The following LEPROT variants were observed in gnomAD, a reference collection of about 807,000 sequenced individuals.
LEPROT encodes the protein leptin receptor overlapping transcript, also known as leptin receptor gene-related protein.
A neutral mutation model predicts 15.4 loss-of-function variants in LEPROT; 3 were observed. That is an observed-to-expected ratio of 0.19 (90% CI 0.09 to 0.50). The LOEUF (loss-of-function observed/expected upper bound fraction) is 0.50. Among genes scored for constraint, LEPROT ranks in the 20% least tolerant of loss-of-function variants. The probability of loss-of-function intolerance (pLI) is 0.97; values close to 1 mark genes in which losing one functional copy is unlikely to be tolerated. For synonymous variants in LEPROT, 59 were observed against 57.5 expected (o/e 1.03, Z -0.12); for missense variants, 137 against 162.2 (o/e 0.84, Z 0.84).
At chr1:65,429,121 G>C (rs555295319) in intron 2 of LEPROT, among the ~76,000 whole-genome samples, 3 of 152,322 alleles carry the variant, frequency 2.0e-5, no homozygotes, top group African/African-American at 7.2e-5. Context: ...AGTTCAAAGA[G>C]GGTGGTATGT....
Position 65,432,329 on chromosome 1 carries a change from G to A in LEPROT, c.*410G>A. On this transcript the variant is annotated 3_prime_UTR_variant, in exon 4 of 4. Transcript: ENST00000371065. The stretch of plus-strand genomic sequence containing the variant: ...GATCCCTCTTTGTGTTGTAGTCCAT[G>A]CTATTAAAAGTGTGGCCCACAGACC... The A allele has an allele frequency of 1.0e-6, 1 of 987,554 alleles. No individual in the cohort carries two copies. Among genetic ancestry groups the A allele is most frequent in the Non-Finnish European group, 1.2e-6 (1 of 831,382 alleles). The allele number at this position is 987,554 out of a possible 1,614,324, so 61.2% of individuals were successfully genotyped here. A position where few individuals can be genotyped will look rare whatever the true frequency, so the allele number is the denominator to read the frequency against.
intron 2 of LEPROT, among the ~76,000 whole-genome samples, chr1:65,428,628 T>C (rs1323550501): frequency 1.3e-5 from 2 of 152,176 alleles, no homozygotes; most frequent in Admixed American, 1.3e-4. Context: ...TGTGGCTTCA[T>C]CCCAACTCCT....
At chr1:65,421,889 A>G (rs1040975598) in intron 1 of LEPROT, among the ~76,000 whole-genome samples, 6 of 152,246 alleles carry the variant, frequency 3.9e-5, no homozygotes, top group African/African-American at 1.4e-4. Flanking sequence ...TCTGAAATGG[A>G]AACGGACTAA....
chr1:65,421,423 G>C, intron 1 of LEPROT: 1 of 1,536,098 alleles, frequency 6.5e-7, no homozygotes, highest in Non-Finnish European at 8.7e-7. Flanking sequence ...AGCAATGCGA[G>C]ACGGAAAAGG....
rs1445465129 is a variant in LEPROT, at chr1:65,434,893, A to C, written c.*2974A>C. On this transcript the variant is annotated 3_prime_UTR_variant, in exon 4 of 4. Transcript: ENST00000371065. ...TGATGTCATGTGGTGCTGAGAAGAA[A>C]GCAGATCACACTTCATCACAGAAAG... 1 of 985,494 alleles carries C rather than the reference A, an allele frequency of 1.0e-6. No individual in the cohort carries two copies. Among genetic ancestry groups the C allele is most frequent in the African/African-American group, 1.7e-5 (1 of 57,338 alleles). The allele number at this position is 985,494 out of a possible 1,614,324, so 61.0% of individuals were successfully genotyped here. A position where few individuals can be genotyped will look rare whatever the true frequency, so the allele number is the denominator to read the frequency against.
In LEPROT at chr1:65,435,531, C is replaced by A; in HGVS notation, c.*3612C>A. On this transcript the variant is annotated 3_prime_UTR_variant, in exon 4 of 4. Transcript: ENST00000371065. ...TACAGGCTCCCGCCACCACGCCTGG[C>A]TAATTTTTTTGTATTTTTAGTAAAG... is the stretch of plus-strand genomic sequence containing the variant. 1 of 407,008 alleles carries A rather than the reference C, an allele frequency of 2.5e-6. No homozygotes were observed. Among genetic ancestry groups the A allele is most frequent in the Non-Finnish European group, 3.3e-6 (1 of 301,306 alleles). The allele number at this position is 407,008 out of a possible 1,614,324, so 25.2% of individuals were successfully genotyped here. A position where few individuals can be genotyped will look rare whatever the true frequency, so the allele number is the denominator to read the frequency against.
intron 1 of LEPROT, among the ~76,000 whole-genome samples, chr1:65,422,998 C>G (rs568745313): frequency 6.6e-6 from 1 of 152,264 alleles, no homozygotes; most frequent in South Asian, 2.1e-4. Context: ...TTTAAGAAGT[C>G]TGGGAGATTG....
rs915418942 is a variant in LEPROT, at chr1:65,432,030, C to A, written c.*111C>A. The A allele has an allele frequency of 1.4e-6, 2 of 1,435,112 alleles. No homozygotes were observed. Among genetic ancestry groups the A allele is most frequent in the East Asian group, 2.5e-5 (1 of 40,314 alleles). 88.9% of individuals were successfully genotyped at this position (1,435,112 alleles called of 1,614,324 possible). ...TTTAATATGCTGGGTTTTTTAATACCTTTATATATCATGTTCACTTTAAGA... is the reference window on the plus strand; with the variant it reads ...TTTAATATGCTGGGTTTTTTAATACATTTATATATCATGTTCACTTTAAGA... On this transcript the variant is annotated 3_prime_UTR_variant, in exon 4 of 4. Coordinates refer to ENST00000371065, the MANE Select transcript of LEPROT (RefSeq NM_017526.5).
At position 65,429,904 on chromosome 1, in the gene LEPROT, C is replaced by T; in HGVS notation, c.135C>T (p.Ser45=). ...TCGTCCTGATTTTCCACGCCATCTC[C>T]CCCATCCCCCATTTCATTGCCAAAA... ...PLFVLIFHAI[S]PIPHFIAKRV... Residue 45 remains serine (S), a synonymous_variant, in exon 3 of 4, where the codon TCC becomes TCT. Transcript: ENST00000371065. The T allele has an allele frequency of 6.5e-7, 1 of 1,537,764 alleles. No individual in the cohort carries two copies. Among genetic ancestry groups the T allele is most frequent in the South Asian group, 1.2e-5 (1 of 81,896 alleles).
chr1:65,426,437 G>T (rs1646371669), intron 2 of LEPROT, among the ~76,000 whole-genome samples: 1 of 152,070 alleles, frequency 6.6e-6, no homozygotes, highest in African/African-American at 2.4e-5. Context: ...AATGGGTTTG[G>T]AGGAGGGGGT....
In LEPROT at chr1:65,431,785, T is replaced by C. The variant is rs1251519887; in HGVS notation, c.280-18T>C. 6.2e-7 allele frequency: 1 copy of C among 1,607,890 alleles called. No individual in the cohort carries two copies. Among genetic ancestry groups the C allele is most frequent in the African/African-American group, 1.3e-5 (1 of 74,372 alleles). Reference sequence around the variant, plus strand: ...ATGAAGGAAGTAAGGATTTAATCCTTCTTTTCTTGTCTTTCAGATCAAATG... The same window carrying C: ...ATGAAGGAAGTAAGGATTTAATCCTCCTTTTCTTGTCTTTCAGATCAAATG... On this transcript the variant is annotated intron_variant, in intron 3 of 3. Coordinates refer to ENST00000371065, the MANE Select transcript of LEPROT (RefSeq NM_017526.5).
Position 65,435,334 on chromosome 1 carries a change from T to C in LEPROT, c.*3415T>C, listed in dbSNP as rs1646543808. 1.3e-5 allele frequency: 13 copies of C among 984,208 alleles called. No individual in the cohort carries two copies. The highest frequency in any genetic ancestry group is 1.8e-5 in the African/African-American group (1 of 57,096). The allele number at this position is 984,208 out of a possible 1,614,324, so 61.0% of individuals were successfully genotyped here. On this transcript the variant is annotated 3_prime_UTR_variant, in exon 4 of 4. Coordinates refer to ENST00000371065, the MANE Select transcript of LEPROT (RefSeq NM_017526.5). ...TTCTTTATGTTCTCAGGGAAATGCT[T>C]AGGTGGTGTCACAAAATGTGCCTTT...
At chr1:65,427,342 G>A (rs530442963) in intron 2 of LEPROT, among the ~76,000 whole-genome samples, 11 of 152,262 alleles carry the variant, frequency 7.2e-5, no homozygotes, top group East Asian at 1.9e-4. Context: ...GGGAGGCAAC[G>A]GTAGGAGGAT....
In LEPROT at chr1:65,435,113, A is replaced by C; in HGVS notation, c.*3194A>C. 2.0e-6 allele frequency: 2 copies of C among 985,414 alleles called. No individual in the cohort carries two copies. Among genetic ancestry groups the C allele is most frequent in the South Asian group, 9.4e-5 (2 of 21,288 alleles). 61.0% of individuals were successfully genotyped at this position (985,414 alleles called of 1,614,324 possible). The stretch of plus-strand genomic sequence containing the variant: ...TATAGAAGGATAGCAATATTTTGGG[A>C]CAGGGAAAATCCTGTCATACCTCAT... On this transcript the variant is annotated 3_prime_UTR_variant, in exon 4 of 4. Transcript: ENST00000371065.
intron 2 of LEPROT, chr1:65,428,122 A>G (rs1646415605): frequency 6.6e-6 from 1 of 152,238 alleles, no homozygotes; most frequent in African/African-American, 2.4e-5. Flanking sequence ...GATCCTCGTT[A>G]TTTACTCTTT....
At chr1:65,421,047 A>C (rs952398915) in intron 1 of LEPROT, among the ~76,000 whole-genome samples, 4 of 152,128 alleles carry the variant, frequency 2.6e-5, no homozygotes, top group South Asian at 4.1e-4. Flanking sequence ...GAGTTTTTAA[A>C]CAAGGTTTCC....
chr1:65,434,906 T>G lies in LEPROT; in HGVS notation c.*2987T>G. On this transcript the variant is annotated 3_prime_UTR_variant, in exon 4 of 4. Coordinates refer to ENST00000371065, the MANE Select transcript of LEPROT (RefSeq NM_017526.5). ...TGCTGAGAAGAAAGCAGATCACACTTCATCACAGAAAGAATGCCTTGTGAT... is the reference window on the plus strand; with the variant it reads ...TGCTGAGAAGAAAGCAGATCACACTGCATCACAGAAAGAATGCCTTGTGAT... 1 of 985,464 alleles carries G rather than the reference T, an allele frequency of 1.0e-6. No individual in the cohort carries two copies. The highest frequency in any genetic ancestry group is 1.2e-6 in the Non-Finnish European group (1 of 829,938). 61.0% of individuals were successfully genotyped at this position (985,464 alleles called of 1,614,324 possible). A position where few individuals can be genotyped will look rare whatever the true frequency, so the allele number is the denominator to read the frequency against.
chr1:65,432,317 G>A lies in LEPROT; in HGVS notation c.*398G>A. The stretch of plus-strand genomic sequence containing the variant: ...AAGGCCGGGGTGGATCCCTCTTTGT[G>A]TTGTAGTCCATGCTATTAAAAGTGT... On this transcript the variant is annotated 3_prime_UTR_variant, in exon 4 of 4. Coordinates refer to ENST00000371065, the MANE Select transcript of LEPROT (RefSeq NM_017526.5). 2.0e-6 allele frequency: 2 copies of A among 990,876 alleles called. No homozygotes were observed. The highest frequency in any genetic ancestry group is 2.4e-6 in the Non-Finnish European group (2 of 833,556). 61.4% of individuals were successfully genotyped at this position (990,876 alleles called of 1,614,324 possible). A position where few individuals can be genotyped will look rare whatever the true frequency, so the allele number is the denominator to read the frequency against.
chr1:65,426,867 A>G (rs528974560), intron 2 of LEPROT, among the ~76,000 whole-genome samples: 167 of 152,072 alleles, frequency 1.1e-3, no homozygotes, highest in Non-Finnish European at 1.9e-3. Context: ...GCGTGGTGGC[A>G]CACGCCTGTA....
Sources: allele counts gnomAD v4.1 joint callset (sites outside exome capture counted in the v4.1 genomes callset), GRCh38; gene constraint gnomAD v4.1.1; transcripts MANE v1.5; gene names NCBI Gene and HGNC (gene_info 2026-07-23, HGNC 2026-07-21).